The following SNX29 variants were observed in gnomAD, a reference collection of about 807,000 sequenced individuals.
SNX29 encodes sorting nexin 29.
Under a neutral mutation model 102.1 loss-of-function variants are expected in SNX29, and 78 were observed. That is an observed-to-expected ratio of 0.76 (90% CI 0.64 to 0.92). SNX29 has a LOEUF of 0.92. Among genes scored for constraint, SNX29 ranks in the 40% least tolerant of loss-of-function variants. SNX29 has a pLI of 0.00. For synonymous variants in SNX29, 580 were observed against 414.5 expected (o/e 1.40, Z -4.85); for missense variants, 1,280 against 1,061.7 (o/e 1.21, Z -2.86).
intron 14 of SNX29, among the ~76,000 whole-genome samples, chr16:12,201,087 G>C (rs1215065021): frequency 6.6e-6 from 1 of 152,134 alleles, no homozygotes; most frequent in African/African-American, 2.4e-5. Context: ...TGTTTGATCA[G>C]GATCAGCTTA....
At position 12,199,669 on chromosome 16, in the gene SNX29, G is replaced by C. The variant is rs1191634290; in HGVS notation, c.1664G>C (p.Gly555Ala). ...GCTGTCCAGATGCTGAAAAGAGAAG[G>C]TCAAACAGCTGAAGGTGAGGGGGAG... ...VGAVQMLKREGQTAEVPNLWS... is the reference protein window; with the variant it reads ...VGAVQMLKREAQTAEVPNLWS... Residue 555 changes from glycine (G) to alanine (A), a missense_variant, in exon 14 of 21, where the codon GGT becomes GCT. Gly to Ala is a moderately conservative substitution (Grantham distance 60). Transcript: ENST00000566228. The C allele has an allele frequency of 1.9e-6, 3 of 1,612,032 alleles. No homozygotes were observed. Among genetic ancestry groups the C allele is most frequent in the Non-Finnish European group, 2.5e-6 (3 of 1,179,006 alleles).
chr16:12,402,748 T>C (rs2083996119), intron 17 of SNX29, among the ~76,000 whole-genome samples: 1 of 152,234 alleles, frequency 6.6e-6, no homozygotes, highest in Non-Finnish European at 1.5e-5. Context: ...TGGTAGGTGC[T>C]CAGTAAATTA....
In SNX29 at chr16:12,197,834, G is replaced by A. The variant is rs575011593; in HGVS notation, c.1596-1767G>A. 1.5e-4 allele frequency among the ~76,000 whole-genome samples: 23 copies of A among 152,000 alleles called. 1 individual carries two copies. The South Asian group carries it at 2.5e-3, about 16-fold the overall frequency. On this transcript the variant is annotated intron_variant, in intron 13 of 20. Coordinates refer to ENST00000566228, the MANE Select transcript of SNX29 (RefSeq NM_032167.5). ...TTCTCAGGTGATGCCTGAGTCTATG[G>A]TAGTGTCTGAGTTTGATCCTTTTTT...
At chr16:12,271,781 C>G (rs936007048) in intron 14 of SNX29, among the ~76,000 whole-genome samples, 5 of 152,004 alleles carry the variant, frequency 3.3e-5, no homozygotes, top group Non-Finnish European at 7.4e-5. Context: ...TGCCACCATG[C>G]CCGACTAATT....
At chr16:12,517,981 G>A (rs748162724) in intron 19 of SNX29, among the ~76,000 whole-genome samples, 31 of 152,144 alleles carry the variant, frequency 2.0e-4, no homozygotes, top group Non-Finnish European at 4.3e-4. Flanking sequence ...ATATTACAAT[G>A]TTGGTGAGGG....
intron 15 of SNX29, among the ~76,000 whole-genome samples, chr16:12,330,083 T>C (rs1311909173): frequency 6.6e-6 from 1 of 152,188 alleles, no homozygotes; most frequent in Non-Finnish European, 1.5e-5. Flanking sequence ...GAATGTTGTT[T>C]TGAGAATTAA....
At chr16:12,189,060 G>C (rs1459491203) in intron 13 of SNX29, among the ~76,000 whole-genome samples, 1 of 152,186 alleles carries the variant, frequency 6.6e-6, no homozygotes, top group Non-Finnish European at 1.5e-5. Context: ...CCAAAATACA[G>C]ATTCCAGGCT....
intron 14 of SNX29, among the ~76,000 whole-genome samples, chr16:12,260,803 G>C (rs1232719540): frequency 6.6e-6 from 1 of 151,734 alleles, no homozygotes; most frequent in Non-Finnish European, 1.5e-5. Flanking sequence ...CCCGGCTGGA[G>C]GGAGTGTTTG....
intron 16 of SNX29, among the ~76,000 whole-genome samples, chr16:12,381,195 C>CCACCATCCACCTACA (rs1491531795): frequency 8.8e-5 from 1 of 11,312 alleles, no homozygotes; most frequent in Non-Finnish European, 1.6e-4. Context: ...ATCCACCCAC[C>CCACCATCCACCTACA]GACCCACCTA....
intron 3 of SNX29, among the ~76,000 whole-genome samples, chr16:12,005,840 C>G (rs940644100): frequency 6.6e-6 from 1 of 152,122 alleles, no homozygotes; most frequent in Non-Finnish European, 1.5e-5. Context: ...GTATATAATG[C>G]AAATATTCCA....
At chr16:12,213,902 G>A (rs1596525964) in intron 14 of SNX29, among the ~76,000 whole-genome samples, 1 of 152,220 alleles carries the variant, frequency 6.6e-6, no homozygotes, top group African/African-American at 2.4e-5. Flanking sequence ...GCAGCCAGGA[G>A]TCCCTGCTGC....
chr16:12,540,052 C>A (rs1306200043), intron 20 of SNX29, among the ~76,000 whole-genome samples: 3 of 152,116 alleles, frequency 2.0e-5, no homozygotes, highest in Non-Finnish European at 2.9e-5. Flanking sequence ...CTTTTTGTGT[C>A]CCAGATCATG....
intron 16 of SNX29, among the ~76,000 whole-genome samples, chr16:12,371,076 G>T (rs368461906): frequency 2.0e-4 from 31 of 152,342 alleles, no homozygotes; most frequent in African/African-American, 6.5e-4. Flanking sequence ...GTTGATCAGA[G>T]TTCAGATGGT....
chr16:12,076,460 C>T (rs1040006890), intron 10 of SNX29, among the ~76,000 whole-genome samples: 1 of 152,098 alleles, frequency 6.6e-6, no homozygotes, highest in Non-Finnish European at 1.5e-5. Context: ...ACCACCATGC[C>T]CGGCTAATTT....
chr16:12,303,362 C>A (rs1370248318), intron 15 of SNX29, among the ~76,000 whole-genome samples: 1 of 152,102 alleles, frequency 6.6e-6, no homozygotes. Context: ...ATAAGAGAGT[C>A]GATTTTTAAA....
intron 13 of SNX29, among the ~76,000 whole-genome samples, chr16:12,165,070 T>A (rs1273664824): frequency 6.6e-6 from 1 of 152,246 alleles, no homozygotes; most frequent in African/African-American, 2.4e-5. Flanking sequence ...CAAGAGTTTG[T>A]CGTGTTCGGC....
At chr16:12,486,227 G>A (rs978641265) in intron 19 of SNX29, among the ~76,000 whole-genome samples, 21 of 152,132 alleles carry the variant, frequency 1.4e-4, no homozygotes, top group Non-Finnish European at 2.9e-4. Context: ...ATCACAGCAG[G>A]GAAGAGTTCT....
chr16:12,027,534 T>C, intron 4 of SNX29, 90 bp downstream of exon 4: 1 of 1,514,460 alleles, frequency 6.6e-7, no homozygotes. Flanking sequence ...GGCAGGGCAG[T>C]GATCGCGTGG....
rs763065033 is a variant in SNX29, at chr16:12,398,508, C to T, written c.1955+7C>T. 28 of 1,613,758 alleles carry T rather than the reference C, an allele frequency of 1.7e-5. No homozygotes were observed. The highest frequency in any genetic ancestry group is 8.9e-5 in the East Asian group (4 of 44,894). ...GTTTGTCGGATTTTGAAATGTAAGTCCACAGCCTGTGCTCACAAGGGGTCC... is the reference window on the plus strand; with the variant it reads ...GTTTGTCGGATTTTGAAATGTAAGTTCACAGCCTGTGCTCACAAGGGGTCC... On this transcript the variant is annotated splice_region_variant and intron_variant, in intron 17 of 20. Transcript: ENST00000566228.
Sources: allele counts gnomAD v4.1 joint callset (sites outside exome capture counted in the v4.1 genomes callset), GRCh38; gene constraint gnomAD v4.1.1; transcripts MANE v1.5; gene names NCBI Gene and HGNC (gene_info 2026-07-23, HGNC 2026-07-21).